ESYT2: variants seen among roughly 807,000 people sequenced by gnomAD.
ESYT2 encodes extended synaptotagmin-2.
ESYT2 carries 54 observed loss-of-function variants against 107.2 expected under a neutral mutation model. The observed-to-expected ratio is 0.50, with a 90% CI of 0.40 to 0.63. The LOEUF is 0.63. ESYT2 is among the 30% of genes least tolerant of loss of function. ESYT2 has a pLI of 0.00. For missense variants in ESYT2, 1,020 were observed against 1,094.5 expected (o/e 0.93, Z 0.96); for synonymous variants, 491 against 434.1 (o/e 1.13, Z -1.63).
chr7:158,763,249 T>C, intron 9 of ESYT2, 84 bp from the exon 10 acceptor site: 3 of 812,074 alleles, frequency 3.7e-6, no homozygotes, highest in Middle Eastern at 3.1e-4. Context: ...GTAGTAAATA[T>C]GACCAGGTAC....
rs75866156 is a variant in ESYT2, at chr7:158,817,400, T to C, written c.330+11689A>G. On this transcript the variant is annotated intron_variant, in intron 1 of 22. Transcript: ENST00000275418. ...TGATTCCAGGTCTCTAGACAGTAAC[T>C]TAACCAATTGCCAATCAGAAAAATC... Among the ~76,000 whole-genome samples, 689 of 152,354 alleles carry C rather than the reference T, an allele frequency of 4.5e-3. 43 individuals carry two copies. The East Asian group carries it at 0.12, about 26-fold the overall frequency.
chr7:158,782,608 G>C (rs1452320686), intron 6 of ESYT2, among the ~76,000 whole-genome samples: 1 of 151,516 alleles, frequency 6.6e-6, no homozygotes, highest in Non-Finnish European at 1.5e-5. Flanking sequence ...ACAAGAGCGT[G>C]TGACAAATGA....
At chr7:158,748,927 A>G (rs1186221739) in intron 15 of ESYT2, among the ~76,000 whole-genome samples, 2 of 151,518 alleles carry the variant, frequency 1.3e-5, no homozygotes, top group Non-Finnish European at 2.9e-5. Context: ...TATTACAGCA[A>G]TATGTAATAG....
chr7:158,760,749 A>G lies in ESYT2; in HGVS notation c.1234-602T>C, dbSNP rs1316457714. 2.6e-5 allele frequency among the ~76,000 whole-genome samples: 4 copies of G among 152,236 alleles called. No homozygotes were observed. In the East Asian group the frequency reaches 7.7e-4, roughly 29 times the overall value. ...ACTCTATACTAATAAAATAGTATACAGTTGTATCAGCTTAAAAGTCACAAA... is the reference window on the plus strand; with the variant it reads ...ACTCTATACTAATAAAATAGTATACGGTTGTATCAGCTTAAAAGTCACAAA... On this transcript the variant is annotated intron_variant, in intron 11 of 22. Coordinates refer to ENST00000275418, the MANE Select transcript of ESYT2 (RefSeq NM_001367773.1).
rs888744273 is a variant in ESYT2, at chr7:158,732,524, A to C, written c.*1683T>G. On this transcript the variant is annotated 3_prime_UTR_variant, in exon 23 of 23. Transcript: ENST00000275418. The stretch of plus-strand genomic sequence containing the variant: ...CATGAAATATGCTGTGAAGCTACAG[A>C]CTCCATTATAAGTAAACCCATGGTT... 5.9e-5 allele frequency: 9 copies of C among 152,258 alleles called. No individual in the cohort carries two copies. The highest frequency in any genetic ancestry group is 1.9e-4 in the African/African-American group (8 of 41,458). 9.4% of individuals were successfully genotyped at this position (152,258 alleles called of 1,614,324 possible). A position where few individuals can be genotyped will look rare whatever the true frequency, so the allele number is the denominator to read the frequency against.
At chr7:158,757,936 C>A (rs570371379) in intron 13 of ESYT2, among the ~76,000 whole-genome samples, 1 of 152,294 alleles carries the variant, frequency 6.6e-6, no homozygotes, top group South Asian at 2.1e-4. Context: ...GAAGCCTTTA[C>A]AACAAACATT....
chr7:158,741,261 CCTA>C (rs1292469358), intron 18 of ESYT2, among the ~76,000 whole-genome samples: 8 of 152,226 alleles, frequency 5.3e-5, no homozygotes, highest in Non-Finnish European at 1.2e-4. Context: ...TCCTGTCTTT[CCTA>C]CTGTGAAACC....
intron 6 of ESYT2, among the ~76,000 whole-genome samples, chr7:158,779,468 AGAGT>A (rs1224290430): frequency 6.6e-6 from 1 of 152,240 alleles, no homozygotes; most frequent in Admixed American, 6.5e-5. Flanking sequence ...CTTCAAATTC[AGAGT>A]TAGTCCTAGA....
chr7:158,782,064 A>T (rs1838862872), intron 6 of ESYT2, among the ~76,000 whole-genome samples: 1 of 147,732 alleles, frequency 6.8e-6, no homozygotes, highest in South Asian at 2.2e-4. Context: ...TGAACGTGTG[A>T]AGTGTGGTGT....
chr7:158,757,276 C>A (rs1282456339), intron 13 of ESYT2, among the ~76,000 whole-genome samples: 1 of 152,222 alleles, frequency 6.6e-6, no homozygotes, highest in Non-Finnish European at 1.5e-5. Context: ...AAGTTCCAGT[C>A]CACATTCTGG....
chr7:158,758,791 C>T lies in ESYT2; in HGVS notation c.1419+695G>A, dbSNP rs546488401. 9.9e-5 allele frequency among the ~76,000 whole-genome samples: 15 copies of T among 152,278 alleles called. No homozygotes were observed. The South Asian group carries it at 1.9e-3, about 19-fold the overall frequency. The stretch of plus-strand genomic sequence containing the variant: ...ACTAGCAGGGTTTAAGGTAGGATGA[C>T]GGGAGAGCACACTATGCCTCACAAG... On this transcript the variant is annotated intron_variant, in intron 13 of 22. Transcript: ENST00000275418.
chr7:158,815,902 C>T (rs992950501), intron 1 of ESYT2, among the ~76,000 whole-genome samples: 8 of 152,120 alleles, frequency 5.3e-5, no homozygotes, highest in South Asian at 2.1e-4. Flanking sequence ...TGTTACGGCA[C>T]GGGGAAAGTG....
At position 158,748,886 on chromosome 7, in the gene ESYT2, A is replaced by AT. The variant is rs200911024; in HGVS notation, c.1558-607dup. On this transcript the variant is annotated intron_variant, in intron 15 of 22. Coordinates refer to ENST00000275418, the MANE Select transcript of ESYT2 (RefSeq NM_001367773.1). ...AGGCACGTGCCACCATGCCCAGCTA[A>AT]TTTTTTTTCTCCTGTAAGGAAAGTA... Among the ~76,000 whole-genome samples, 1,270 of 149,080 alleles carry AT rather than the reference A, an allele frequency of 8.5e-3. 18 individuals carry two copies. Among genetic ancestry groups the AT allele is most frequent in the South Asian group, 0.029 (136 of 4,656 alleles).
intron 13 of ESYT2, among the ~76,000 whole-genome samples, chr7:158,754,768 G>A (rs1203340073): frequency 6.6e-6 from 1 of 152,176 alleles, no homozygotes; most frequent in African/African-American, 2.4e-5. Flanking sequence ...CCCACGCTGA[G>A]TTCCAATTCC....
chr7:158,794,541 C>T (rs985286090), intron 3 of ESYT2, among the ~76,000 whole-genome samples: 8 of 152,088 alleles, frequency 5.3e-5, no homozygotes, highest in African/African-American at 9.7e-5. Context: ...CTGTAATCCC[C>T]GCACTTTGGC....
chr7:158,756,960 C>T, intron 13 of ESYT2, among the ~76,000 whole-genome samples: 1 of 122,796 alleles, frequency 8.1e-6, no homozygotes, highest in South Asian at 2.8e-4. Context: ...GATTTTAAAA[C>T]AGTTTTGTGA....
intron 1 of ESYT2, among the ~76,000 whole-genome samples, chr7:158,803,342 A>C (rs899252848): frequency 1.3e-5 from 2 of 152,244 alleles, no homozygotes. Context: ...CAGATAAGGC[A>C]AAAAGGACCA....
At chr7:158,798,975 G>A in intron 2 of ESYT2, 56 bp downstream of exon 2, 3 of 1,517,558 alleles carry the variant, frequency 2.0e-6, no homozygotes, top group Middle Eastern at 1.7e-4. Flanking sequence ...ATGGAAAGAT[G>A]GTATCTCATC....
At chr7:158,775,721 C>T (rs1838538913) in intron 6 of ESYT2, among the ~76,000 whole-genome samples, 1 of 152,214 alleles carries the variant, frequency 6.6e-6, no homozygotes, top group African/African-American at 2.4e-5. Flanking sequence ...CCCTCAAAGT[C>T]ATCCATGAGA....
Sources: allele counts gnomAD v4.1 joint callset (sites outside exome capture counted in the v4.1 genomes callset), GRCh38; gene constraint gnomAD v4.1.1; transcripts MANE v1.5; gene names NCBI Gene and HGNC (gene_info 2026-07-23, HGNC 2026-07-21).